Variants in TCF20 observed in about 807,000 individuals in gnomAD.
The protein encoded by TCF20 is SPRE-binding protein.
In TCF20, 3 loss-of-function variants were observed where a neutral mutation model predicts 148.6. The ratio of observed to expected loss-of-function variants is 0.02; its 90% CI spans 0.01 to 0.05. The LOEUF (loss-of-function observed/expected upper bound fraction) is 0.05, where lower values mean the gene tolerates loss of function less well. Among genes scored for constraint, TCF20 ranks in the 10% least tolerant of loss-of-function variants. The pLI, the probability that TCF20 is intolerant of heterozygous loss-of-function variation, is 1.00. For synonymous variants in TCF20, 1,049 were observed against 909.5 expected, an observed-to-expected ratio of 1.15 and a Z score of -2.76; for missense variants, 2,350 against 2,429.3, an observed-to-expected ratio of 0.97 and a Z score of 0.69.
chr22:42,212,462 T>A lies in TCF20; in HGVS notation c.2844A>T (p.Gly948=). The A allele has an allele frequency of 6.2e-7, 1 of 1,614,248 alleles. No homozygotes were observed. Among genetic ancestry groups the A allele is most frequent in the East Asian group, 2.2e-5 (1 of 44,882 alleles). The change falls in exon 2 of 6, where the codon GGA becomes GGT. Residue 948 remains glycine (G), a synonymous_variant. Coordinates refer to ENST00000677622, the MANE Select transcript of TCF20 (RefSeq NM_001378418.1). ...SQASFNNKKS[G]DHCHPPSIKH... is the part of the protein sequence containing the mutation. ...TGATGCTAGGAGGATGGCAGTGGTCTCCAGATTTCTTGTTGTTGAAACTAG... is the reference window on the plus strand; with the variant it reads ...TGATGCTAGGAGGATGGCAGTGGTCACCAGATTTCTTGTTGTTGAAACTAG...
intron 1 of TCF20, among the ~76,000 whole-genome samples, chr22:42,254,728 AG>A (rs1429474919): frequency 6.6e-6 from 1 of 152,202 alleles, no homozygotes; most frequent in Non-Finnish European, 1.5e-5. Context: ...GCACTTTGAG[AG>A]GCCGTGACAG....
At chr22:42,173,758 C>A (rs1293138476) in intron 3 of TCF20, among the ~76,000 whole-genome samples, 2 of 152,140 alleles carry the variant, frequency 1.3e-5, no homozygotes, top group Non-Finnish European at 2.9e-5. Context: ...ACCGCAATGA[C>A]CAAGACATGG....
At chr22:42,237,844 A>G (rs1924020552) in intron 1 of TCF20, among the ~76,000 whole-genome samples, 1 of 152,194 alleles carries the variant, frequency 6.6e-6, no homozygotes, top group South Asian at 2.1e-4. Context: ...AGTGGCCTTA[A>G]AATATTCATT....
intron 1 of TCF20, among the ~76,000 whole-genome samples, chr22:42,241,053 A>G (rs1394582395): frequency 6.6e-6 from 1 of 152,074 alleles, no homozygotes; most frequent in Non-Finnish European, 1.5e-5. Flanking sequence ...AGGGGGTTTC[A>G]CCATGTTGGC....
In TCF20 at chr22:42,338,487, C is replaced by T. The variant is rs529933235; in HGVS notation, c.-37+4992G>A. On this transcript the variant is annotated intron_variant, in intron 1 of 1. Coordinates refer to the TCF20 transcript ENST00000515426. The surrounding 1 kb of genome is among the most constrained non-coding windows in gnomAD (Gnocchi z 4.0). ...GGCAGCCCGGCCTGCAGGGGCCACTCGGCCAATCCCGAAGAGCTCGCTCAG... is the reference window on the plus strand; with the variant it reads ...GGCAGCCCGGCCTGCAGGGGCCACTTGGCCAATCCCGAAGAGCTCGCTCAG... 2.0e-5 allele frequency among the ~76,000 whole-genome samples: 3 copies of T among 152,334 alleles called. No individual in the cohort carries two copies. The highest frequency in any genetic ancestry group is 3.9e-4 in the East Asian group (2 of 5,172).
intron 2 of TCF20, among the ~76,000 whole-genome samples, chr22:42,197,236 CT>C (rs1307685690): frequency 6.6e-6 from 1 of 152,166 alleles, no homozygotes; most frequent in Non-Finnish European, 1.5e-5. Context: ...ATAGTTTAGC[CT>C]CCACCAAGGA....
At chr22:42,268,198 A>T (rs1926398029) in intron 1 of TCF20, among the ~76,000 whole-genome samples, 1 of 152,224 alleles carries the variant, frequency 6.6e-6, no homozygotes, top group African/African-American at 2.4e-5. Flanking sequence ...ATAATATATA[A>T]AAATAAAAAG....
rs769124723 is a variant in TCF20 at position 42,213,632 on chromosome 22, G to A, written c.1674C>T (p.Ser558=). 2.5e-6 allele frequency: 4 copies of A among 1,614,084 alleles called. No individual in the cohort carries two copies. The South Asian group carries it at 3.3e-5, about 13-fold the overall frequency. ...CATTCTGAGCACCTTGTGCCGGTGA[G>A]GAGCCAGCTTTCTCAGAGGCTCCAC... is the stretch of plus-strand genomic sequence containing the variant. ...YKGGASEKAG[S]SPAQGAQNEP... Residue 558 remains serine (S), a synonymous_variant, in exon 2 of 6, where the codon TCC becomes TCT. Coordinates refer to ENST00000677622, the MANE Select transcript of TCF20 (RefSeq NM_001378418.1).
In TCF20 at chr22:42,243,634, G is replaced by A. The variant is rs117994957; in HGVS notation, c.-37+26705C>T. 5.2e-3 allele frequency among the ~76,000 whole-genome samples: 784 copies of A among 152,088 alleles called. 6 individuals are homozygous for A. The highest frequency in any genetic ancestry group is 9.3e-3 in the Non-Finnish European group (634 of 67,980). On this transcript the variant is annotated intron_variant, in intron 1 of 5. Transcript: ENST00000677622. ...AACAAAAAAAGGTCAAATATGAACT[G>A]GACTTGAGTTAATAATAAAATATCA...
intron 5 of TCF20, among the ~76,000 whole-genome samples, chr22:42,167,312 T>G (rs115011133): frequency 0.012 from 1,836 of 152,236 alleles, 34 homozygotes; most frequent in African/African-American, 0.042. Context: ...CGGAAATTAG[T>G]AGTGGTAACA....
In TCF20 at chr22:42,245,931, A is replaced by T. The variant is rs150975054; in HGVS notation, c.-37+24408T>A. 8.3e-4 allele frequency among the ~76,000 whole-genome samples: 126 copies of T among 151,998 alleles called. No individual in the cohort carries two copies. The Middle Eastern group carries it at 0.017, about 21-fold the overall frequency. On this transcript the variant is annotated intron_variant, in intron 1 of 5. Transcript: ENST00000677622. ...GCCAGCTCTATGGTCAAATTTTTAC[A>T]ACGTATTATCAATGATCTAGTTGTC...
intron 1 of TCF20, among the ~76,000 whole-genome samples, chr22:42,232,347 A>G (rs1427682970): frequency 3.9e-5 from 6 of 152,052 alleles, no homozygotes; most frequent in Admixed American, 1.3e-4. Flanking sequence ...AAATCACTCA[A>G]TGATGCACTT....
At chr22:42,180,491 C>T (rs1936717493) in intron 2 of TCF20, among the ~76,000 whole-genome samples, 1 of 152,204 alleles carries the variant, frequency 6.6e-6, no homozygotes. Flanking sequence ...GCAACAAACA[C>T]ATTCATAAAA....
intron 1 of TCF20, among the ~76,000 whole-genome samples, chr22:42,221,744 T>TTTTTTTTTTTG (rs1922383905): frequency 7.8e-6 from 1 of 128,584 alleles, no homozygotes; most frequent in Non-Finnish European, 1.6e-5. Flanking sequence ...AAAGGGTTTT[T>TTTTTTTTTTTG]TTTTTTTTTT....
intron 1 of TCF20, among the ~76,000 whole-genome samples, chr22:42,234,056 A>G (rs1923661458): frequency 6.6e-6 from 1 of 152,246 alleles, no homozygotes; most frequent in Admixed American, 6.5e-5. Flanking sequence ...TACTTTCCCT[A>G]TACATAAACA....
chr22:42,329,738 G>T (rs755054946), intron 1 of TCF20, among the ~76,000 whole-genome samples: 4 of 152,208 alleles, frequency 2.6e-5, no homozygotes, highest in Non-Finnish European at 4.4e-5. Context: ...GGCTGGCCGT[G>T]GGGGAGGCCA....
intron 3 of TCF20, among the ~76,000 whole-genome samples, chr22:42,173,934 A>ATGC (rs1388256269): frequency 6.6e-5 from 10 of 152,168 alleles, no homozygotes; most frequent in Admixed American, 3.3e-4. Context: ...TTAAATAGAG[A>ATGC]TGCTACCAGC....
chr22:42,254,405 A>AT (rs1925605065), intron 1 of TCF20, among the ~76,000 whole-genome samples: 1 of 152,248 alleles, frequency 6.6e-6, no homozygotes, highest in South Asian at 2.1e-4. Flanking sequence ...GCTCATTTAA[A>AT]TTAAACATTC....
At chr22:42,307,088 C>T (rs868343027) in intron 1 of TCF20, among the ~76,000 whole-genome samples, 4 of 150,590 alleles carry the variant, frequency 2.7e-5, no homozygotes, top group Admixed American at 2.0e-4. Flanking sequence ...CAGCCAGGGC[C>T]GGGCACCAAC....
Sources: gnomAD v4.1 joint callset for allele counts (sites outside exome capture counted in the v4.1 genomes callset) on GRCh38, gnomAD v4.1.1 for gene constraint, Gnocchi (gnomAD v3.1) non-coding constraint, MANE v1.5 for transcripts, NCBI Gene and HGNC (gene_info 2026-07-23, HGNC 2026-07-21) for gene names.